The following GRXCR1 variants were observed in gnomAD, a reference collection of about 807,000 sequenced individuals.
The protein encoded by GRXCR1 is glutaredoxin and cysteine rich domain containing 1.
Under a neutral mutation model 27.3 loss-of-function variants are expected in GRXCR1, and 27 were observed. The observed-to-expected ratio is 0.99, with a 90% CI of 0.73 to 1.37. GRXCR1 has a LOEUF of 1.37. GRXCR1 is among the 40% of genes most tolerant of loss of function. The pLI is 0.00. For missense variants in GRXCR1, 379 were observed against 354.4 expected, an observed-to-expected ratio of 1.07 and a Z score of -0.56; for synonymous variants, 122 against 131.1, an observed-to-expected ratio of 0.93 and a Z score of 0.47.
intron 2 of GRXCR1, among the ~76,000 whole-genome samples, chr4:43,009,838 C>T (rs995292075): frequency 3.9e-5 from 6 of 152,132 alleles, no homozygotes; most frequent in African/African-American, 1.4e-4. Flanking sequence ...CATTCTACAG[C>T]AATACATTTC....
intron 1 of GRXCR1, among the ~76,000 whole-genome samples, chr4:42,932,789 C>A (rs1747360890): frequency 6.6e-6 from 1 of 151,100 alleles, no homozygotes; most frequent in Non-Finnish European, 1.5e-5. Flanking sequence ...GAATTACAGC[C>A]AAGACCAAGG....
intron 1 of GRXCR1, among the ~76,000 whole-genome samples, chr4:42,933,148 T>A (rs1333022805): frequency 6.6e-6 from 1 of 151,786 alleles, no homozygotes; most frequent in Non-Finnish European, 1.5e-5. Context: ...AAAGAGGAAA[T>A]CAGGACACAT....
intron 1 of GRXCR1, among the ~76,000 whole-genome samples, chr4:42,930,163 G>A (rs182824231): frequency 2.6e-5 from 4 of 152,090 alleles, no homozygotes; most frequent in Admixed American, 6.6e-5. Flanking sequence ...AACATCAAAA[G>A]GCAGTCCTGT....
chr4:42,963,464 T>C (rs553983626), intron 2 of GRXCR1, among the ~76,000 whole-genome samples: 11 of 151,936 alleles, frequency 7.2e-5, no homozygotes, highest in Non-Finnish European at 1.6e-4. Flanking sequence ...GCAAGAAAAA[T>C]GGATATTTAT....
At chr4:42,997,261 G>A (rs939930517) in intron 2 of GRXCR1, among the ~76,000 whole-genome samples, 3 of 151,968 alleles carry the variant, frequency 2.0e-5, no homozygotes, top group Non-Finnish European at 4.4e-5. Flanking sequence ...TCATCTGTAG[G>A]ACACTTCAAA....
chr4:42,936,745 G>T (rs1747467984), intron 1 of GRXCR1, among the ~76,000 whole-genome samples: 1 of 151,718 alleles, frequency 6.6e-6, no homozygotes, highest in South Asian at 2.1e-4. Context: ...GTGCTGGTCA[G>T]GTTTTTAAAG....
chr4:42,951,308 C>T lies in GRXCR1; in HGVS notation c.385-11584C>T, dbSNP rs538420425. ...AAATGCTCATTACATTGCAAATGCT[C>T]ATCTCTTCCAGAAACACCCTCACAG... On this transcript the variant is annotated intron_variant, in intron 1 of 3. Transcript: ENST00000399770. Among the ~76,000 whole-genome samples, 6 of 152,280 alleles carry T rather than the reference C, an allele frequency of 3.9e-5. No homozygotes were observed. In the South Asian group the frequency reaches 1.2e-3, roughly 32 times the overall value.
intron 1 of GRXCR1, among the ~76,000 whole-genome samples, chr4:42,918,300 T>C (rs931505823): frequency 6.6e-6 from 1 of 152,134 alleles, no homozygotes; most frequent in African/African-American, 2.4e-5. Flanking sequence ...GAAGACTTCA[T>C]GACCTAAACA....
In GRXCR1 at chr4:42,963,030, A is replaced by G. The variant is rs746977664; in HGVS notation, c.523A>G (p.Ile175Val). ...NHRVKFEEKN[I>V]ALNGEYGKEL... ...TCGCGTAAAATTTGAAGAGAAAAAC[A>G]TAGCCCTGAATGGTGAATATGGAAA... The change falls in exon 2 of 4, where the codon ATA becomes GTA. Residue 175 changes from isoleucine (I) to valine (V), a missense_variant. Coordinates refer to ENST00000399770, the MANE Select transcript of GRXCR1 (RefSeq NM_001080476.3). 2.5e-6 allele frequency: 4 copies of G among 1,612,778 alleles called. No homozygotes were observed. The African/African-American group carries it at 5.3e-5, about 22-fold the overall frequency.
chr4:42,996,051 G>T (rs1477114950), intron 2 of GRXCR1, among the ~76,000 whole-genome samples: 2 of 151,986 alleles, frequency 1.3e-5, no homozygotes, highest in African/African-American at 4.8e-5. Flanking sequence ...TCAATAGAGT[G>T]GTTATTATTT....
At chr4:42,991,813 G>A (rs1711984186) in intron 2 of GRXCR1, among the ~76,000 whole-genome samples, 7 of 152,006 alleles carry the variant, frequency 4.6e-5, no homozygotes, top group Admixed American at 3.9e-4. Flanking sequence ...CCCACCAGAA[G>A]AATCAATTTT....
intron 1 of GRXCR1, among the ~76,000 whole-genome samples, chr4:42,925,090 T>G (rs1577907699): frequency 6.7e-6 from 1 of 148,622 alleles, no homozygotes; most frequent in African/African-American, 2.5e-5. Context: ...TTATGAGGAG[T>G]TTCTGGAAGC....
chr4:42,929,648 C>T (rs908412975), intron 1 of GRXCR1, among the ~76,000 whole-genome samples: 14 of 151,792 alleles, frequency 9.2e-5, no homozygotes, highest in African/African-American at 3.4e-4. Context: ...CGGAGAAATG[C>T]TACTTAAAGT....
At chr4:42,901,029 G>T (rs1046769353) in intron 1 of GRXCR1, among the ~76,000 whole-genome samples, 1 of 152,148 alleles carries the variant, frequency 6.6e-6, no homozygotes, top group Non-Finnish European at 1.5e-5. Context: ...ATGCCCTCCA[G>T]TTTCCCAAGG....
chr4:42,934,423 T>C (rs1483362139), intron 1 of GRXCR1, among the ~76,000 whole-genome samples: 2 of 151,410 alleles, frequency 1.3e-5, no homozygotes, highest in South Asian at 2.1e-4. Flanking sequence ...ACTCACAGAG[T>C]TTCTCTCTCT....
intron 2 of GRXCR1, among the ~76,000 whole-genome samples, chr4:42,995,382 T>C (rs1712119660): frequency 6.6e-6 from 1 of 152,238 alleles, no homozygotes; most frequent in African/African-American, 2.4e-5. Context: ...TATTTGTATA[T>C]ACTTGCTTTG....
chr4:42,980,359 A>G (rs1748628714), intron 2 of GRXCR1, among the ~76,000 whole-genome samples: 1 of 151,804 alleles, frequency 6.6e-6, no homozygotes, highest in South Asian at 2.1e-4. Flanking sequence ...CTTTGCCTCA[A>G]GATATTTTTA....
intron 2 of GRXCR1, among the ~76,000 whole-genome samples, chr4:43,004,537 G>C (rs567858331): frequency 6.6e-6 from 1 of 152,198 alleles, no homozygotes; most frequent in Non-Finnish European, 1.5e-5. Context: ...AATCATCTGT[G>C]GGGGGTAACC....
rs888797352 is a variant in GRXCR1 at position 42,979,751 on chromosome 4, G to A, written c.627+16617G>A. ...TGTGGGGCAGGTAGAATTGGTGTTA[G>A]TTCTTTAAAAGTTAGGTAGAATTCA... On this transcript the variant is annotated intron_variant, in intron 2 of 3. Transcript: ENST00000399770. 3.0e-4 allele frequency among the ~76,000 whole-genome samples: 45 copies of A among 151,916 alleles called. 1 individual carries two copies. The highest frequency in any genetic ancestry group is 1.0e-3 in the African/African-American group (43 of 41,408).
Sources: gnomAD v4.1 joint callset for allele counts (sites outside exome capture counted in the v4.1 genomes callset) on GRCh38, gnomAD v4.1.1 for gene constraint, MANE v1.5 for transcripts, NCBI Gene and HGNC (gene_info 2026-07-23, HGNC 2026-07-21) for gene names.